The following SHOC1 variants were observed in gnomAD, a reference collection of about 807,000 sequenced individuals.
The protein encoded by SHOC1 is protein shortage in chiasmata 1 ortholog.
SHOC1 carries 136 observed loss-of-function variants against 179.2 expected under a neutral mutation model. The ratio of observed to expected loss-of-function variants is 0.76; its 90% confidence interval spans 0.66 to 0.87. The LOEUF (loss-of-function observed/expected upper bound fraction) is 0.87, where lower values mean the gene tolerates loss of function less well. Ranked by LOEUF, SHOC1 falls within the 40% of genes least tolerant of loss-of-function variation. SHOC1 has a pLI of 0.00. For synonymous variants in SHOC1, 489 were observed against 586.6 expected, an observed-to-expected ratio of 0.83 and a Z score of 2.41; for missense variants, 1,538 against 1,700.8, an observed-to-expected ratio of 0.90 and a Z score of 1.68.
intron 3 of SHOC1, among the ~76,000 whole-genome samples, chr9:111,783,850 C>T (rs527354189): frequency 6.6e-6 from 1 of 152,218 alleles, no homozygotes; most frequent in Admixed American, 6.5e-5. Flanking sequence ...GAACTGGTCC[C>T]GTAAGGCTCA....
intron 5 of SHOC1, among the ~76,000 whole-genome samples, chr9:111,769,975 GTTTTTTTTTTGTTTTT>G (rs1383142012): frequency 2.3e-5 from 2 of 87,806 alleles, no homozygotes; most frequent in Non-Finnish European, 4.4e-5. Flanking sequence ...TTTATCTTCT[GTTTTTTTTTTGTTTTT>G]TTTTTTTTTT....
At chr9:111,760,447 A>G (rs1286433100) in intron 5 of SHOC1, among the ~76,000 whole-genome samples, 1 of 152,176 alleles carries the variant, frequency 6.6e-6, no homozygotes, top group East Asian at 1.9e-4. Context: ...TGTCACCAGG[A>G]AACAAAATTT....
chr9:111,760,544 T>G (rs1320534115), intron 5 of SHOC1, among the ~76,000 whole-genome samples: 1 of 152,040 alleles, frequency 6.6e-6, no homozygotes, highest in African/African-American at 2.4e-5. Context: ...CACTTTTGTC[T>G]CCCTAGAAAA....
intron 5 of SHOC1, among the ~76,000 whole-genome samples, chr9:111,760,619 TG>T (rs1446246032): frequency 2.7e-5 from 4 of 147,176 alleles, no homozygotes; most frequent in South Asian, 2.1e-4. Flanking sequence ...ATACAATTAA[TG>T]TTTTTTTTTA....
rs763087928 is a variant in SHOC1, at chr9:111,692,219, C to T, written c.3758G>A (p.Ser1253Asn). The T allele has an allele frequency of 6.2e-7, 1 of 1,613,482 alleles. No homozygotes were observed. The highest frequency in any genetic ancestry group is 8.5e-7 in the Non-Finnish European group (1 of 1,179,508). Reference protein sequence around the residue: ...LPPVTSYNQTSYWKDSSCKSN... With the variant: ...LPPVTSYNQTNYWKDSSCKSN... ...TTTACAGCTGGAGTCTTTCCAGTAG[C>T]TGGTCTGATTGTATGAAGTCACAGG... Residue 1253 changes from serine (S) to asparagine (N), a missense_variant, in exon 27 of 28, where the codon AGC becomes AAC. Transcript: ENST00000682961.
chr9:111,706,545 A>G (rs554299712), intron 20 of SHOC1, 23 bp downstream of exon 20: 2 of 1,455,600 alleles, frequency 1.4e-6, no homozygotes, highest in African/African-American at 2.9e-5. Context: ...AAGCAAAAAA[A>G]GGATTTTGGC....
At chr9:111,750,209 T>G (rs1448235562) in intron 8 of SHOC1, among the ~76,000 whole-genome samples, 1 of 152,228 alleles carries the variant, frequency 6.6e-6, no homozygotes, top group Non-Finnish European at 1.5e-5. Context: ...TTTTTTACTT[T>G]TTAATAATAG....
chr9:111,756,572 C>G (rs537998377), intron 7 of SHOC1, 94 bp from the exon 8 acceptor site: 1 of 1,055,464 alleles, frequency 9.5e-7, no homozygotes, highest in South Asian at 1.5e-5. Context: ...AAATGATGTG[C>G]CAAATTTTAA....
intron 18 of SHOC1, among the ~76,000 whole-genome samples, chr9:111,712,340 T>C (rs1163824520): frequency 6.6e-6 from 1 of 152,084 alleles, no homozygotes; most frequent in African/African-American, 2.4e-5. Flanking sequence ...GGTTAGTAGA[T>C]GATAAGTGGT....
intron 16 of SHOC1, among the ~76,000 whole-genome samples, chr9:111,715,819 A>G (rs1564120356): frequency 6.6e-6 from 1 of 152,138 alleles, no homozygotes; most frequent in Non-Finnish European, 1.5e-5. Flanking sequence ...CCACTACCAT[A>G]TATCTCTGTT....
intron 7 of SHOC1, among the ~76,000 whole-genome samples, chr9:111,756,853 A>G (rs1834884194): frequency 1.3e-5 from 2 of 152,138 alleles, no homozygotes; most frequent in African/African-American, 4.8e-5. Flanking sequence ...ATGGAATGGA[A>G]TAGATCTTTA....
chr9:111,695,536 A>G (rs1831650257), intron 24 of SHOC1, among the ~76,000 whole-genome samples: 1 of 152,170 alleles, frequency 6.6e-6, no homozygotes, highest in African/African-American at 2.4e-5. Context: ...CACTCATTTA[A>G]TTTTACATAA....
In SHOC1 at chr9:111,692,444, G is replaced by T. The variant is rs546584336; in HGVS notation, c.3533C>A (p.Ser1178Ter). 5 of 1,607,202 alleles carry T rather than the reference G, an allele frequency of 3.1e-6. No individual in the cohort carries two copies. In the East Asian group the frequency reaches 6.7e-5, roughly 22 times the overall value. The part of the protein sequence containing the change: ...SSSITKSPQI[S>*]SPQENRNQIS... ...CTGATTCCTATTTTCCTGAGGTGACGAAATTTGCGGTGATTTTGTTATGGA... is the reference window on the plus strand; with the variant it reads ...CTGATTCCTATTTTCCTGAGGTGACTAAATTTGCGGTGATTTTGTTATGGA... Residue 1178 changes from serine to a stop codon, truncating the protein, a stop_gained, in exon 27 of 28, where the codon TCG (serine) becomes TAG (stop). Coordinates refer to ENST00000682961, the MANE Select transcript of SHOC1 (RefSeq NM_001378211.1). LOFTEE classifies it high-confidence loss of function.
At chr9:111,712,429 T>C (rs757464114) in intron 18 of SHOC1, among the ~76,000 whole-genome samples, 7 of 151,668 alleles carry the variant, frequency 4.6e-5, no homozygotes, top group Non-Finnish European at 8.8e-5. Context: ...AGGTAAGAAA[T>C]GGCTTTCTCA....
chr9:111,699,625 T>G (rs1831870365), intron 24 of SHOC1, among the ~76,000 whole-genome samples: 1 of 152,092 alleles, frequency 6.6e-6, no homozygotes. Context: ...GTCTTAAGAG[T>G]TCCATTTACA....
At chr9:111,770,694 T>TA (rs1174146933) in intron 5 of SHOC1, among the ~76,000 whole-genome samples, 1 of 152,174 alleles carries the variant, frequency 6.6e-6, no homozygotes, top group Non-Finnish European at 1.5e-5. Context: ...ATGTTTGCTT[T>TA]ATATACCTAG....
chr9:111,759,089 G>T, intron 5 of SHOC1: 1 of 1,467,664 alleles, frequency 6.8e-7, no homozygotes, highest in Non-Finnish European at 9.2e-7. Flanking sequence ...TATCCCAAAA[G>T]AGCTGTAACG....
At chr9:111,779,111 AAAAAG>A (rs1835940794) in intron 4 of SHOC1, among the ~76,000 whole-genome samples, 1 of 99,730 alleles carries the variant, frequency 1.0e-5, no homozygotes, top group South Asian at 3.5e-4. Flanking sequence ...AAAAAAAAAA[AAAAAG>A]AGAGAGAGAG....
rs1589480006 is a variant in SHOC1, at chr9:111,785,988, G to C, written c.93C>G (p.Ile31Met). 1.3e-6 allele frequency: 2 copies of C among 1,523,702 alleles called. No individual in the cohort carries two copies. The highest frequency in any genetic ancestry group is 1.8e-6 in the Non-Finnish European group (2 of 1,135,624). 94.4% of individuals were successfully genotyped at this position (1,523,702 alleles called of 1,614,324 possible). The stretch of plus-strand genomic sequence containing the variant: ...TTTCATCTTGATATAAACATGAAGG[G>C]ATTCGAAGCAATAAAGCATCTCTGT... ...KFYRDALLLR[I>M]PSCLYQDESY... is the part of the protein sequence containing the mutation. The change falls in exon 3 of 28, where the codon ATC becomes ATG. Residue 31 changes from isoleucine to methionine, a missense_variant. Coordinates refer to ENST00000682961, the MANE Select transcript of SHOC1 (RefSeq NM_001378211.1).
Sources: gnomAD v4.1 joint callset for allele counts (sites outside exome capture counted in the v4.1 genomes callset) on GRCh38, gnomAD v4.1.1 for gene constraint, MANE v1.5 for transcripts, NCBI Gene and HGNC (gene_info 2026-07-23, HGNC 2026-07-21) for gene names.